CDK19: variants seen among roughly 807,000 people sequenced by gnomAD.
CDK19 encodes the protein cyclin-dependent kinase 19.
A neutral mutation model predicts 68.3 loss-of-function variants in CDK19; 20 were observed. The ratio of observed to expected loss-of-function variants is 0.29; its 90% CI spans 0.21 to 0.43. The LOEUF (loss-of-function observed/expected upper bound fraction) is 0.43. Among genes scored for constraint, CDK19 ranks in the 20% least tolerant of loss-of-function variants. The pLI, the probability that CDK19 is intolerant of heterozygous loss-of-function variation, is 1.00. For missense variants in CDK19, 339 were observed against 623.5 expected, an observed-to-expected ratio of 0.54 and a Z score of 4.86; for synonymous variants, 221 against 222.8, an observed-to-expected ratio of 0.99 and a Z score of 0.07.
intron 2 of CDK19, among the ~76,000 whole-genome samples, chr6:110,684,839 G>A (rs2114539022): frequency 6.6e-6 from 1 of 152,252 alleles, no homozygotes; most frequent in Admixed American, 6.5e-5. Flanking sequence ...ATCAAGGCAG[G>A]CTGAAAACCT....
intron 1 of CDK19, among the ~76,000 whole-genome samples, chr6:110,804,434 C>G (rs1454964375): frequency 6.6e-6 from 1 of 151,718 alleles, no homozygotes; most frequent in Non-Finnish European, 1.5e-5. Flanking sequence ...CCTCTGCCTC[C>G]CGGGTTCAAG....
rs141072718 is a variant in CDK19 at position 110,721,336 on chromosome 6, A to G, written c.204+24790T>C. On this transcript the variant is annotated intron_variant, in intron 2 of 12. Transcript: ENST00000368911. ...TCAACAATTCTAGAGGAGTAATATC[A>G]TATGTTAGAGGCCTTCATTTTTCCC... 6.1e-3 allele frequency among the ~76,000 whole-genome samples: 936 copies of G among 152,284 alleles called. 5 individuals are homozygous for G. The highest frequency in any genetic ancestry group is 0.01 in the Middle Eastern group (3 of 294).
chr6:110,780,868 C>T (rs1015256406), intron 1 of CDK19, among the ~76,000 whole-genome samples: 1 of 152,008 alleles, frequency 6.6e-6, no homozygotes, highest in African/African-American at 2.4e-5. Flanking sequence ...TTTAGATATA[C>T]TTTTAAAATT....
intron 4 of CDK19, among the ~76,000 whole-genome samples, chr6:110,658,432 T>C (rs191148997): frequency 2.0e-5 from 3 of 152,348 alleles, no homozygotes; most frequent in African/African-American, 7.2e-5. Context: ...GAAATACTAC[T>C]TCTTGTCATA....
intron 2 of CDK19, among the ~76,000 whole-genome samples, chr6:110,693,295 A>C (rs1391548459): frequency 6.6e-6 from 1 of 152,244 alleles, no homozygotes; most frequent in Non-Finnish European, 1.5e-5. Flanking sequence ...CTGCCTCCAA[A>C]CACATATCCT....
Position 110,621,259 on chromosome 6 carries a change from T to G in CDK19, c.1222A>C (p.Thr408Pro), listed in dbSNP as rs1394872857. ...PQQNSTQTNG[T>P]AGGAGAGVGG... ...ACCCCGGCCCCAGCCCCACCTGCGG[T>G]CCCGTTGGTCTGGGTGCTGTTCTGC... is the stretch of plus-strand genomic sequence containing the variant. The change falls in exon 12 of 13, where the codon ACC becomes CCC. Residue 408 changes from threonine to proline, a missense_variant. Transcript: ENST00000368911. The surrounding 1 kb of genome is among the most constrained non-coding windows in gnomAD (Gnocchi z 5.4). The G allele has an allele frequency of 6.2e-7, 1 of 1,613,184 alleles. No individual in the cohort carries two copies. Among genetic ancestry groups the G allele is most frequent in the East Asian group, 2.2e-5 (1 of 44,866 alleles).
At chr6:110,779,934 G>A (rs802659) in intron 1 of CDK19, among the ~76,000 whole-genome samples, 51,658 of 151,250 alleles carry the variant, frequency 0.34, 10,277 homozygotes, top group East Asian at 0.68. Context: ...AAATACAAAA[G>A]TTAGGCCAGG....
intron 1 of CDK19, among the ~76,000 whole-genome samples, chr6:110,770,847 AAACAAACGGGTTACAGGCCCATGC>A (rs1179690087): frequency 6.6e-6 from 1 of 152,194 alleles, no homozygotes; most frequent in Non-Finnish European, 1.5e-5. Flanking sequence ...GAACTGGCCA[AAACAAACGGGTTACAGGCCCATGC>A]AAATCCGAAA....
At chr6:110,689,951 C>G (rs1320774526) in intron 2 of CDK19, among the ~76,000 whole-genome samples, 1 of 152,118 alleles carries the variant, frequency 6.6e-6, no homozygotes, top group African/African-American at 2.4e-5. Context: ...ATCATTGCGA[C>G]AGCAGGCTTT....
chr6:110,651,427 T>A (rs992206279), intron 4 of CDK19, among the ~76,000 whole-genome samples: 9 of 152,184 alleles, frequency 5.9e-5, no homozygotes, highest in Non-Finnish European at 1.3e-4. Flanking sequence ...AGAAATGGCA[T>A]TTTAAAACAC....
intron 1 of CDK19, among the ~76,000 whole-genome samples, chr6:110,788,978 C>G (rs959797904): frequency 2.0e-5 from 3 of 152,128 alleles, no homozygotes; most frequent in African/African-American, 7.2e-5. Context: ...GAAAAATACA[C>G]AAGAACCACA....
chr6:110,610,347 T>C lies in CDK19; in HGVS notation c.*4188A>G, dbSNP rs1490652211. 2.0e-5 allele frequency: 3 copies of C among 152,672 alleles called. No individual in the cohort carries two copies. Among genetic ancestry groups the C allele is most frequent in the Non-Finnish European group, 4.4e-5 (3 of 68,046 alleles). 9.5% of individuals were successfully genotyped at this position (152,672 alleles called of 1,614,324 possible). On this transcript the variant is annotated 3_prime_UTR_variant, in exon 13 of 13. Transcript: ENST00000368911. ...TACATAACATATATAAAAAGTACTT[T>C]AAATTGTTGTTAAAAAGGACACCTT...
intron 6 of CDK19, among the ~76,000 whole-genome samples, chr6:110,631,052 A>T (rs2817807): frequency 0.24 from 36,849 of 152,080 alleles, 4,823 homozygotes; most frequent in East Asian, 0.51. Context: ...CAGGTTTTTC[A>T]TAAGCTTGTT....
chr6:110,696,343 T>C (rs1223064177), intron 2 of CDK19, among the ~76,000 whole-genome samples: 1 of 152,026 alleles, frequency 6.6e-6, no homozygotes, highest in Non-Finnish European at 1.5e-5. Flanking sequence ...AGAAGGAACA[T>C]AGCTTAAGGT....
rs1041427694 is a variant in CDK19 at position 110,612,845 on chromosome 6, G to C, written c.*1690C>G. ...TTATTAGTGAGCATTATTATGCTGA[G>C]ATCAGTAAGGTCCTGGCTGGCTACA... On this transcript the variant is annotated 3_prime_UTR_variant, in exon 13 of 13. Coordinates refer to ENST00000368911, the MANE Select transcript of CDK19 (RefSeq NM_015076.5). 10 of 152,642 alleles carry C rather than the reference G, an allele frequency of 6.6e-5. No individual in the cohort carries two copies. The highest frequency in any genetic ancestry group is 2.4e-4 in the African/African-American group (10 of 41,448). The allele number at this position is 152,642 out of a possible 1,614,324, so 9.5% of individuals were successfully genotyped here.
Position 110,621,284 on chromosome 6 carries a change from C to T in CDK19, c.1197G>A (p.Gln399=), listed in dbSNP as rs1326242775. The T allele has an allele frequency of 6.2e-7, 1 of 1,612,112 alleles. No individual in the cohort carries two copies. Among genetic ancestry groups the T allele is most frequent in the South Asian group, 1.1e-5 (1 of 90,852 alleles). The change falls in exon 12 of 13, where the codon CAG becomes CAA. Residue 399 remains glutamine (Q), a synonymous_variant. Transcript: ENST00000368911. The surrounding 1 kb of genome is among the most constrained non-coding windows in gnomAD (Gnocchi z 5.4). Reference sequence around the variant, plus strand: ...TCCCGTTGGTCTGGGTGCTGTTCTGCTGTGGTGGGGGCGCCTGTGGAGGGG... The same window carrying T: ...TCCCGTTGGTCTGGGTGCTGTTCTGTTGTGGTGGGGGCGCCTGTGGAGGGG... ...AAAPPQAPPP[Q]QNSTQTNGTA...
At chr6:110,708,029 T>G (rs563735550) in intron 2 of CDK19, among the ~76,000 whole-genome samples, 1 of 152,110 alleles carries the variant, frequency 6.6e-6, no homozygotes, top group African/African-American at 2.4e-5. Flanking sequence ...TTTTTTAATA[T>G]TATAAACAAT....
chr6:110,659,864 C>T (rs983795399), intron 4 of CDK19, among the ~76,000 whole-genome samples: 2 of 152,134 alleles, frequency 1.3e-5, no homozygotes, highest in Admixed American at 6.5e-5. Flanking sequence ...CCAGAACCGC[C>T]GCTAGATCTT....
intron 4 of CDK19, chr6:110,646,402 G>A (rs1239149846): frequency 4.0e-6 from 6 of 1,484,078 alleles, no homozygotes; most frequent in Non-Finnish European, 5.3e-6. Context: ...TGGGGCTGCT[G>A]GCGGGCGGCG....
Sources: gnomAD v4.1 joint callset for allele counts (sites outside exome capture counted in the v4.1 genomes callset) on GRCh38, gnomAD v4.1.1 for gene constraint, Gnocchi (gnomAD v3.1) non-coding constraint, MANE v1.5 for transcripts, NCBI Gene and HGNC (gene_info 2026-07-23, HGNC 2026-07-21) for gene names.